Variants in TMEM178B observed in about 807,000 individuals in gnomAD.
The protein encoded by TMEM178B is transmembrane protein 178B.
In TMEM178B, 5 loss-of-function variants were observed where a neutral mutation model predicts 31.0. The observed-to-expected ratio is 0.16, with a 90% confidence interval of 0.08 to 0.34. The LOEUF is 0.34. Among genes scored for constraint, TMEM178B ranks in the 10% least tolerant of loss-of-function variants. The pLI, the probability that TMEM178B is intolerant of heterozygous loss-of-function variation, is 1.00. For missense variants in TMEM178B, 275 were observed against 400.3 expected (o/e 0.69, Z 2.67); for synonymous variants, 164 against 164.0 (o/e 1.00, Z 0.00).
At chr7:141,151,028 G>A (rs927094298) in intron 1 of TMEM178B, among the ~76,000 whole-genome samples, 5 of 152,196 alleles carry the variant, frequency 3.3e-5, no homozygotes, top group Non-Finnish European at 7.3e-5. Flanking sequence ...ACATCTCAGA[G>A]ACCAAATGTC....
chr7:141,275,095 C>T (rs1798245046), intron 2 of TMEM178B, among the ~76,000 whole-genome samples: 1 of 152,190 alleles, frequency 6.6e-6, no homozygotes, highest in Admixed American at 6.5e-5. Flanking sequence ...CTCTGGAAGA[C>T]ACTAAGAGAG....
rs151138837 is a variant in TMEM178B, at chr7:141,106,287, G to A, written c.382+31595G>A. The stretch of plus-strand genomic sequence containing the variant: ...GTGCATGATGCCCAGGGCAGACATG[G>A]CACTCTTTTTCTAGCTTGTGCATTT... On this transcript the variant is annotated intron_variant, in intron 1 of 3. Transcript: ENST00000565468. Among the ~76,000 whole-genome samples, 999 of 152,154 alleles carry A rather than the reference G, an allele frequency of 6.6e-3. 11 individuals carry two copies. Among genetic ancestry groups the A allele is most frequent in the African/African-American group, 0.023 (951 of 41,512 alleles).
intron 1 of TMEM178B, among the ~76,000 whole-genome samples, chr7:141,185,124 C>T (rs1466304635): frequency 6.6e-6 from 1 of 152,148 alleles, no homozygotes; most frequent in Non-Finnish European, 1.5e-5. Flanking sequence ...CTGTGGGGCT[C>T]CAACCCCACG....
At chr7:141,160,016 A>G (rs888250499) in intron 1 of TMEM178B, among the ~76,000 whole-genome samples, 8 of 146,044 alleles carry the variant, frequency 5.5e-5, no homozygotes, top group Non-Finnish European at 1.2e-4. Flanking sequence ...TTAATATATA[A>G]TATATATAAT....
At chr7:141,155,701 G>T (rs1796057673) in intron 1 of TMEM178B, among the ~76,000 whole-genome samples, 1 of 152,128 alleles carries the variant, frequency 6.6e-6, no homozygotes, top group African/African-American at 2.4e-5. Flanking sequence ...TTCTTCCCAG[G>T]CAGGGCCATT....
At chr7:141,483,287 C>T (rs976993830), downstream of TMEM178B, among the ~76,000 whole-genome samples, 1 of 152,180 alleles carries the variant, frequency 6.6e-6, no homozygotes, top group African/African-American at 2.4e-5. Flanking sequence ...AACACACTTC[C>T]TGTCCACATG....
chr7:141,311,608 C>G (rs1163039898), intron 2 of TMEM178B, among the ~76,000 whole-genome samples: 1 of 152,194 alleles, frequency 6.6e-6, no homozygotes, highest in African/African-American at 2.4e-5. Flanking sequence ...ATGGTTAAAT[C>G]TACCAATTCT....
Position 141,477,344 on chromosome 7 carries a change from T to G in TMEM178B, c.*6558T>G, listed in dbSNP as rs1241501277. 6.5e-6 allele frequency: 1 copy of G among 154,314 alleles called. No homozygotes were observed. The highest frequency in any genetic ancestry group is 1.5e-5 in the Non-Finnish European group (1 of 68,216). The allele number at this position is 154,314 out of a possible 1,614,324, so 9.6% of individuals were successfully genotyped here. A position where few individuals can be genotyped will look rare whatever the true frequency, so the allele number is the denominator to read the frequency against. On this transcript the variant is annotated 3_prime_UTR_variant, in exon 4 of 4. Coordinates refer to ENST00000565468, the MANE Select transcript of TMEM178B (RefSeq NM_001195278.2). ...AATGCAATGATGTAGCCCTTAGTTT[T>G]CTGAGGACTTCTGTGGACGGCCCTA... is the stretch of plus-strand genomic sequence containing the variant.
chr7:141,458,280 C>T (rs556632223), intron 3 of TMEM178B, among the ~76,000 whole-genome samples: 58 of 152,190 alleles, frequency 3.8e-4, no homozygotes, highest in Non-Finnish European at 6.0e-4. Context: ...CCACCACACC[C>T]GGCTGATTTT....
intron 3 of TMEM178B, among the ~76,000 whole-genome samples, chr7:141,440,148 C>T (rs1285181276): frequency 6.6e-6 from 1 of 152,238 alleles, no homozygotes; most frequent in Non-Finnish European, 1.5e-5. Context: ...TATGATTGTG[C>T]CTGGAGCCCT....
chr7:141,443,445 G>A (rs187641433), intron 3 of TMEM178B, among the ~76,000 whole-genome samples: 19 of 152,202 alleles, frequency 1.2e-4, no homozygotes, highest in East Asian at 7.7e-4. Context: ...TGTTTTTGAC[G>A]ATCTTGGCAG....
At chr7:141,463,102 G>A (rs555136036) in intron 3 of TMEM178B, among the ~76,000 whole-genome samples, 1 of 152,306 alleles carries the variant, frequency 6.6e-6, no homozygotes, top group East Asian at 1.9e-4. Context: ...GCAGCTACTT[G>A]GGGTGGTGCC....
chr7:141,341,780 A>T (rs1261261596), intron 2 of TMEM178B, among the ~76,000 whole-genome samples: 1 of 152,112 alleles, frequency 6.6e-6, no homozygotes, highest in Non-Finnish European at 1.5e-5. Context: ...GGCAAAGCTC[A>T]TGTCTTGAAA....
Position 141,318,577 on chromosome 7 carries a change from C to A in TMEM178B, c.496+105873C>A, listed in dbSNP as rs759865633. 4.6e-5 allele frequency among the ~76,000 whole-genome samples: 7 copies of A among 152,146 alleles called. No homozygotes were observed. Among genetic ancestry groups the A allele is most frequent in the Non-Finnish European group, 1.5e-5 (1 of 68,016 alleles). On this transcript the variant is annotated intron_variant, in intron 2 of 3. Transcript: ENST00000565468. The surrounding 1 kb of genome is among the most constrained non-coding windows in gnomAD (Gnocchi z 4.1). ...AAGATGTATTGGAGACTAAAATATTCCTCATCTCTTCAAACCCGTGCTGTG... is the reference window on the plus strand; with the variant it reads ...AAGATGTATTGGAGACTAAAATATTACTCATCTCTTCAAACCCGTGCTGTG...
rs149717932 is a variant in TMEM178B at position 141,386,702 on chromosome 7, G to T, written c.497-50906G>T. On this transcript the variant is annotated intron_variant, in intron 2 of 3. Coordinates refer to ENST00000565468, the MANE Select transcript of TMEM178B (RefSeq NM_001195278.2). ...AGCTGTGGATCTTCTTCCAAACACT[G>T]CGACTATGCATATACCTGCGTTATC... 1.1e-3 allele frequency among the ~76,000 whole-genome samples: 162 copies of T among 152,234 alleles called. 1 individual carries two copies. The highest frequency in any genetic ancestry group is 3.7e-3 in the African/African-American group (154 of 41,538).
At chr7:141,258,740 C>A (rs6978140) in intron 2 of TMEM178B, among the ~76,000 whole-genome samples, 66,818 of 151,944 alleles carry the variant, frequency 0.44, 14,927 homozygotes, top group East Asian at 0.67. Flanking sequence ...CTTGGTTAAA[C>A]GAGTTTTTGT....
At chr7:141,128,539 T>A (rs762778556) in intron 1 of TMEM178B, among the ~76,000 whole-genome samples, 19 of 151,656 alleles carry the variant, frequency 1.3e-4, no homozygotes, top group Non-Finnish European at 2.5e-4. Flanking sequence ...ACTTGGATCC[T>A]TGAAAAAAAA....
At chr7:141,385,563 A>G (rs919148527) in intron 2 of TMEM178B, among the ~76,000 whole-genome samples, 14 of 152,352 alleles carry the variant, frequency 9.2e-5, no homozygotes, top group African/African-American at 3.1e-4. Flanking sequence ...CTCCAAACGC[A>G]TATCATTAAT....
At chr7:141,342,705 A>G (rs546555854) in intron 2 of TMEM178B, among the ~76,000 whole-genome samples, 6 of 152,214 alleles carry the variant, frequency 3.9e-5, no homozygotes, top group Non-Finnish European at 7.3e-5. Flanking sequence ...CTCTTCTCAC[A>G]TACGGATAAC....
Sources: allele counts gnomAD v4.1 joint callset (sites outside exome capture counted in the v4.1 genomes callset), GRCh38; gene constraint gnomAD v4.1.1; non-coding constraint Gnocchi (gnomAD v3.1); transcripts MANE v1.5; gene names NCBI Gene and HGNC (gene_info 2026-07-23, HGNC 2026-07-21).